The following GRID2 variants were observed in gnomAD, a reference collection of about 807,000 sequenced individuals.
GRID2 encodes glutamate ionotropic receptor delta type subunit 2, also known as glutamate receptor ionotropic, delta-2.
Under a neutral mutation model 114.8 loss-of-function variants are expected in GRID2, and 33 were observed. The observed-to-expected ratio is 0.29, with a 90% CI of 0.22 to 0.38. The LOEUF is 0.38. GRID2 is among the 10% of genes least tolerant of loss of function. The pLI is 1.00. For synonymous variants in GRID2, 505 were observed against 449.9 expected (o/e 1.12, Z -1.55); for missense variants, 1,184 against 1,257.7 (o/e 0.94, Z 0.89).
At chr4:93,351,121 G>A (rs1760757389) in intron 8 of GRID2, among the ~76,000 whole-genome samples, 1 of 152,070 alleles carries the variant, frequency 6.6e-6, no homozygotes, top group South Asian at 2.1e-4. Context: ...CCCTTGATAT[G>A]TGGGGATTAT....
chr4:92,831,731 C>A (rs962537095), intron 2 of GRID2, among the ~76,000 whole-genome samples: 1 of 151,778 alleles, frequency 6.6e-6, no homozygotes, highest in African/African-American at 2.4e-5. Flanking sequence ...GTGGTACATG[C>A]CTTAGTTAGT....
At position 93,128,785 on chromosome 4, in the gene GRID2, C is replaced by T. The variant is rs973323349; in HGVS notation, c.735+17832C>T. 3.3e-5 allele frequency among the ~76,000 whole-genome samples: 5 copies of T among 152,262 alleles called. No individual in the cohort carries two copies. The South Asian group carries it at 6.2e-4, about 19-fold the overall frequency. On this transcript the variant is annotated intron_variant, in intron 4 of 15. Transcript: ENST00000282020. ...TCCTGGTTCAAACTCCCATGGTGAT[C>T]CTGACCTGAGCTTAGAGTTGCTACA...
At chr4:93,282,016 G>A (rs1752701125) in intron 8 of GRID2, among the ~76,000 whole-genome samples, 2 of 151,910 alleles carry the variant, frequency 1.3e-5, no homozygotes, top group African/African-American at 2.4e-5. Context: ...ATATATTCTT[G>A]TATTTTCATT....
intron 14 of GRID2, among the ~76,000 whole-genome samples, chr4:93,741,188 T>TATATATATATATAC (rs1731370049): frequency 3.2e-5 from 1 of 30,934 alleles, no homozygotes; most frequent in African/African-American, 1.1e-4. Flanking sequence ...TATATATATA[T>TATATATATATATAC]ATATATATAT....
At chr4:93,067,418 G>T (rs1004011456) in intron 2 of GRID2, among the ~76,000 whole-genome samples, 1 of 151,950 alleles carries the variant, frequency 6.6e-6, no homozygotes, top group Non-Finnish European at 1.5e-5. Flanking sequence ...TCTTGTAAGG[G>T]CCCATGTTCT....
intron 12 of GRID2, among the ~76,000 whole-genome samples, chr4:93,508,855 G>A (rs1167224172): frequency 2.0e-5 from 3 of 152,196 alleles, no homozygotes; most frequent in African/African-American, 7.2e-5. Flanking sequence ...AGACAGTGAA[G>A]TTTCATGTTG....
Position 93,769,319 on chromosome 4 carries a change from G to C in GRID2, c.2470G>C (p.Gly824Arg), listed in dbSNP as rs747894868. ...YSSVDTKQKG[G>R]ALDIKSFAGV... is the part of the protein sequence containing the mutation. ...GTCAGTGGACACAAAGCAGAAAGGA[G>C]GCGCCCTGGACATAAAGAGCTTTGC... The change falls in exon 15 of 16, where the codon GGC (glycine) becomes CGC (arginine). Residue 824 changes from glycine (G) to arginine (R), a missense_variant. Gly to Arg is a moderately radical substitution (Grantham distance 125, BLOSUM62 -2). Coordinates refer to ENST00000282020, the MANE Select transcript of GRID2 (RefSeq NM_001510.4). The C allele has an allele frequency of 6.2e-7, 1 of 1,614,132 alleles. No individual in the cohort carries two copies. The highest frequency in any genetic ancestry group is 8.5e-7 in the Non-Finnish European group (1 of 1,180,000).
intron 13 of GRID2, among the ~76,000 whole-genome samples, chr4:93,548,541 T>C (rs896815610): frequency 6.6e-6 from 1 of 152,204 alleles, no homozygotes; most frequent in Non-Finnish European, 1.5e-5. Flanking sequence ...AAAGATGTTA[T>C]AGTGGTAATA....
At position 93,504,000 on chromosome 4, in the gene GRID2, C is replaced by G. The variant is rs191854372; in HGVS notation, c.1998-11216C>G. Among the ~76,000 whole-genome samples, 565 of 152,182 alleles carry G rather than the reference C, an allele frequency of 3.7e-3. 4 individuals carry two copies. Among genetic ancestry groups the G allele is most frequent in the African/African-American group, 0.013 (537 of 41,528 alleles). On this transcript the variant is annotated intron_variant, in intron 12 of 15. Transcript: ENST00000282020. ...TTTGTCATATTCATTAGATACTTCA[C>G]TGAAACTGTGACCTTCTACCTTACT...
At chr4:93,387,047 G>A (rs1274043621) in intron 8 of GRID2, among the ~76,000 whole-genome samples, 1 of 152,176 alleles carries the variant, frequency 6.6e-6, no homozygotes, top group Admixed American at 6.5e-5. Flanking sequence ...GGCCTCCCAG[G>A]CAAAGCCTTT....
intron 3 of GRID2, among the ~76,000 whole-genome samples, chr4:93,106,521 T>A (rs1162130432): frequency 1.3e-5 from 2 of 152,058 alleles, no homozygotes; most frequent in Non-Finnish European, 2.9e-5. Context: ...TAATTTTTTG[T>A]ATTTTTAGCC....
intron 14 of GRID2, among the ~76,000 whole-genome samples, chr4:93,655,547 C>T (rs989955162): frequency 2.0e-5 from 3 of 151,850 alleles, no homozygotes; most frequent in Admixed American, 6.6e-5. Flanking sequence ...TTGTAAAAGC[C>T]GAAAGATAGG....
intron 2 of GRID2, among the ~76,000 whole-genome samples, chr4:92,640,644 A>C (rs62309169): frequency 0.056 from 8,457 of 151,868 alleles, 300 homozygotes; most frequent in East Asian, 0.16. Context: ...TGAAAATAAA[A>C]TATGGAAGAA....
At chr4:93,355,929 ACT>A (rs754787771) in intron 8 of GRID2, among the ~76,000 whole-genome samples, 3 of 151,978 alleles carry the variant, frequency 2.0e-5, no homozygotes, top group Non-Finnish European at 2.9e-5. Flanking sequence ...TTTGTCTCTT[ACT>A]CTCAAAATCC....
At chr4:92,822,386 C>T in intron 2 of GRID2, 1 of 604,010 alleles carries the variant, frequency 1.7e-6, no homozygotes, top group Non-Finnish European at 3.2e-6. Flanking sequence ...CTTCAGCTTG[C>T]AGTTAGCCAG....
At chr4:92,674,003 G>A (rs1220102196) in intron 2 of GRID2, among the ~76,000 whole-genome samples, 2 of 151,870 alleles carry the variant, frequency 1.3e-5, no homozygotes, top group Non-Finnish European at 1.5e-5. Flanking sequence ...AAAAAAGAAG[G>A]CAGTTGACAT....
chr4:92,761,903 A>G (rs1354950920), intron 2 of GRID2, among the ~76,000 whole-genome samples: 1 of 152,164 alleles, frequency 6.6e-6, no homozygotes, highest in Non-Finnish European at 1.5e-5. Context: ...ATATTTCTAT[A>G]TAATATGTGT....
intron 2 of GRID2, among the ~76,000 whole-genome samples, chr4:93,042,684 T>C: frequency 6.9e-6 from 1 of 144,308 alleles, no homozygotes; most frequent in South Asian, 2.2e-4. Context: ...TATATCTATA[T>C]ATATATGCAT....
chr4:92,545,736 G>C (rs17019530), intron 1 of GRID2, among the ~76,000 whole-genome samples: 27,800 of 152,108 alleles, frequency 0.18, 2,754 homozygotes, highest in African/African-American at 0.27. Flanking sequence ...AACAGATAAA[G>C]TGGGTCTTTG....
Sources: allele counts gnomAD v4.1 joint callset (sites outside exome capture counted in the v4.1 genomes callset), GRCh38; gene constraint gnomAD v4.1.1; transcripts MANE v1.5; gene names NCBI Gene and HGNC (gene_info 2026-07-23, HGNC 2026-07-21).